Variants in CD46 observed in about 807,000 individuals in gnomAD.
The protein encoded by CD46 is membrane cofactor protein.
Under a neutral mutation model 53.3 loss-of-function variants are expected in CD46, and 30 were observed. The ratio of observed to expected loss-of-function variants is 0.56; its 90% CI spans 0.42 to 0.76. The LOEUF is 0.76. Ranked by LOEUF, CD46 falls within the 30% of genes least tolerant of loss-of-function variation. The pLI is 0.00. For missense variants in CD46, 409 were observed against 463.0 expected, an observed-to-expected ratio of 0.88 and a Z score of 1.07; for synonymous variants, 142 against 152.0, an observed-to-expected ratio of 0.93 and a Z score of 0.48.
intron 1 of CD46, among the ~76,000 whole-genome samples, chr1:207,754,862 T>G (rs1236686080): frequency 6.6e-6 from 1 of 151,198 alleles, no homozygotes; most frequent in African/African-American, 2.4e-5. Flanking sequence ...AGGACTTTTT[T>G]TTTTTTCTTT....
At chr1:207,764,674 G>C (rs1242477859) in intron 5 of CD46, among the ~76,000 whole-genome samples, 1 of 152,104 alleles carries the variant, frequency 6.6e-6, no homozygotes, top group Non-Finnish European at 1.5e-5. Flanking sequence ...GATGACAAGG[G>C]AATATTATAA....
chr1:207,785,529 T>C (rs1659187321), intron 10 of CD46, 90 bp from the exon 11 acceptor site: 2 of 942,496 alleles, frequency 2.1e-6, no homozygotes, highest in Non-Finnish European at 1.8e-6. Context: ...ACCACTGAAA[T>C]GTAACCAACA....
Position 207,794,809 on chromosome 1 carries a change from G to A in CD46, c.*1332G>A, listed in dbSNP as rs1173002000. The stretch of plus-strand genomic sequence containing the variant: ...AAAGAAGCCAGCAGGCGAAAAGCAG[G>A]GACTGCCACTGCATTTCATATCACA... On this transcript the variant is annotated 3_prime_UTR_variant, in exon 13 of 13. Transcript: ENST00000367042. 1 of 152,132 alleles carries A rather than the reference G, an allele frequency of 6.6e-6. No homozygotes were observed. The highest frequency in any genetic ancestry group is 2.4e-5 in the African/African-American group (1 of 41,412). 9.4% of individuals were successfully genotyped at this position (152,132 alleles called of 1,614,324 possible).
intron 11 of CD46, among the ~76,000 whole-genome samples, chr1:207,789,125 A>T (rs1659557467): frequency 6.6e-6 from 1 of 152,248 alleles, no homozygotes; most frequent in Admixed American, 6.5e-5. Context: ...TTTTGTTTAC[A>T]TAAATATTTA....
chr1:207,793,161 T>C (rs1659962613), intron 12 of CD46, among the ~76,000 whole-genome samples: 1 of 152,234 alleles, frequency 6.6e-6, no homozygotes, highest in South Asian at 2.1e-4. Flanking sequence ...TTTTAAAGGT[T>C]CTGTGCCAGA....
At chr1:207,783,601 T>TA in intron 9 of CD46, 1 of 281,714 alleles carries the variant, frequency 3.5e-6, no homozygotes, top group Non-Finnish European at 6.7e-6. Context: ...GTTTATTTTT[T>TA]CTGTAACACG....
At chr1:207,754,931 G>A (rs1433660187) in intron 1 of CD46, among the ~76,000 whole-genome samples, 9 of 145,660 alleles carry the variant, frequency 6.2e-5, no homozygotes, top group Non-Finnish European at 1.0e-4. Flanking sequence ...AGCATAAGCA[G>A]ACCTCACCTA....
intron 1 of CD46, among the ~76,000 whole-genome samples, chr1:207,753,323 C>T (rs1655136409): frequency 6.6e-6 from 1 of 152,192 alleles, no homozygotes; most frequent in Non-Finnish European, 1.5e-5. Flanking sequence ...AAGCTTAAGG[C>T]CTATCCCACT....
chr1:207,790,274 C>A lies in CD46; in HGVS notation c.1104C>A (p.Thr368=). Residue 368 remains threonine (T), a synonymous_variant, in exon 12 of 13, where the codon ACC becomes ACA. Transcript: ENST00000367042. ...KKKGTYLTDE[T]HREVKFTSL ...TCAGCACATACCTAACTGATGAGACCCACAGAGAAGTAAAATTTACTTCTC... is the reference window on the plus strand; with the variant it reads ...TCAGCACATACCTAACTGATGAGACACACAGAGAAGTAAAATTTACTTCTC... 1 of 1,593,386 alleles carries A rather than the reference C, an allele frequency of 6.3e-7. No individual in the cohort carries two copies. The highest frequency in any genetic ancestry group is 8.6e-7 in the Non-Finnish European group (1 of 1,161,432).
chr1:207,762,972 C>A (rs568713429), intron 5 of CD46: 4 of 152,746 alleles, frequency 2.6e-5, no homozygotes, highest in Non-Finnish European at 4.4e-5. Flanking sequence ...AGAGCAGCAT[C>A]TGGGAGACGG....
chr1:207,772,387 C>T (rs1385142998), intron 8 of CD46, among the ~76,000 whole-genome samples: 1 of 152,142 alleles, frequency 6.6e-6, no homozygotes, highest in Non-Finnish European at 1.5e-5. Context: ...ATTGAATACC[C>T]TTTATTTCTT....
At chr1:207,771,490 G>A (rs1381706277) in intron 8 of CD46, among the ~76,000 whole-genome samples, 1 of 152,130 alleles carries the variant, frequency 6.6e-6, no homozygotes. Flanking sequence ...GTCCTGAATG[G>A]TATTGCCTAG....
intron 8 of CD46, among the ~76,000 whole-genome samples, chr1:207,773,509 C>T (rs111834186): frequency 1.6e-3 from 250 of 152,176 alleles, no homozygotes; most frequent in Middle Eastern, 6.8e-3. Flanking sequence ...TTAGATCTTT[C>T]CTGCTTTCTC....
chr1:207,776,291 G>A (rs1327361188), intron 8 of CD46, among the ~76,000 whole-genome samples: 1 of 152,220 alleles, frequency 6.6e-6, no homozygotes, highest in Non-Finnish European at 1.5e-5. Context: ...GGCTTCCCTT[G>A]GCTAGGAAAG....
At position 207,757,556 on chromosome 1, in the gene CD46, T is replaced by C. The variant is rs1282131027; in HGVS notation, c.303T>C (p.Tyr101=). Residue 101 remains tyrosine (Y), a synonymous_variant, in exon 3 of 13, where the codon TAT becomes TAC. Transcript: ENST00000367042. ...DDACYRETCP[Y]IRDPLNGQAV... The stretch of plus-strand genomic sequence containing the variant: ...TTCTTTCAGGAGAAACATGTCCATA[T>C]ATACGGGATCCTTTAAATGGCCAAG... 6.2e-7 allele frequency: 1 copy of C among 1,604,148 alleles called. No individual in the cohort carries two copies.
Position 207,790,282 on chromosome 1 carries a change from A to G in CD46, c.1112A>G (p.Glu371Gly). Residue 371 changes from glutamate to glycine, a missense_variant, in exon 12 of 13, where the codon GAA (glutamate) becomes GGA (glycine). Transcript: ENST00000367042. ...TACCTAACTGATGAGACCCACAGAG[A>G]AGTAAAATTTACTTCTCTCTGAGAA... is the stretch of plus-strand genomic sequence containing the variant. ...GTYLTDETHREVKFTSL is the reference protein window; with the variant it reads ...GTYLTDETHRGVKFTSL 1 of 1,598,348 alleles carries G rather than the reference A, an allele frequency of 6.3e-7. No homozygotes were observed. Among genetic ancestry groups the G allele is most frequent in the South Asian group, 1.1e-5 (1 of 90,772 alleles).
intron 11 of CD46, 114 bp from the exon 12 acceptor site, chr1:207,790,139 C>A: frequency 1.4e-6 from 1 of 738,414 alleles, no homozygotes; most frequent in Non-Finnish European, 2.5e-6. Flanking sequence ...GAACCTAATT[C>A]TCAGCTTTCC....
At chr1:207,753,146 T>C (rs945256385) in intron 1 of CD46, among the ~76,000 whole-genome samples, 1 of 152,184 alleles carries the variant, frequency 6.6e-6, no homozygotes, top group African/African-American at 2.4e-5. Flanking sequence ...TTCCATTGCC[T>C]AATGGCTTTT....
Position 207,793,519 on chromosome 1 carries a change from G to C in CD46, c.*42G>C, listed in dbSNP as rs1271756951. The C allele has an allele frequency of 2.5e-6, 4 of 1,612,322 alleles. No individual in the cohort carries two copies. The Admixed American group carries it at 6.7e-5, about 27-fold the overall frequency. On this transcript the variant is annotated splice_region_variant and 3_prime_UTR_variant, in exon 13 of 13. Coordinates refer to ENST00000367042, the MANE Select transcript of CD46 (RefSeq NM_172351.3). ...ATGATCTTTATACCTTGGTTTGCAG[G>C]AAAGCAGATGGTGGAGCTGAATATG...
Sources: allele counts gnomAD v4.1 joint callset (sites outside exome capture counted in the v4.1 genomes callset), GRCh38; gene constraint gnomAD v4.1.1; transcripts MANE v1.5; gene names NCBI Gene and HGNC (gene_info 2026-07-23, HGNC 2026-07-21).